PSMD14: variants seen among roughly 807,000 people sequenced by gnomAD.
PSMD14 encodes the protein ubiquitin C-terminal hydrolase PSMD14.
In PSMD14, 7 loss-of-function variants were observed where a neutral mutation model predicts 41.2. That is an observed-to-expected ratio of 0.17 (90% CI 0.10 to 0.32). The LOEUF is 0.32. Among genes scored for constraint, PSMD14 ranks in the 10% least tolerant of loss-of-function variants. The probability of loss-of-function intolerance (pLI) is 1.00; values close to 1 mark genes in which losing one functional copy is unlikely to be tolerated. For missense variants in PSMD14, 139 were observed against 375.6 expected, an observed-to-expected ratio of 0.37 and a Z score of 5.21; for synonymous variants, 114 against 122.3, an observed-to-expected ratio of 0.93 and a Z score of 0.45.
intron 10 of PSMD14, chr2:161,408,617 TTC>T (rs1348180919): frequency 4.3e-6 from 2 of 464,304 alleles, no homozygotes; most frequent in African/African-American, 4.0e-5. Flanking sequence ...TTTCAATACT[TTC>T]TGTGTATTTC....
intron 3 of PSMD14, among the ~76,000 whole-genome samples, chr2:161,332,097 G>C (rs1380866215): frequency 1.4e-4 from 22 of 152,182 alleles, no homozygotes; most frequent in Admixed American, 1.4e-3. Context: ...TCGAAAGTAA[G>C]ATGCTTGCTT....
intron 7 of PSMD14, among the ~76,000 whole-genome samples, chr2:161,374,958 A>G (rs1284717516): frequency 3.3e-5 from 5 of 152,038 alleles, no homozygotes; most frequent in Admixed American, 6.6e-5. Flanking sequence ...ACTCCTAACA[A>G]TCATTGTGTC....
chr2:161,396,429 C>T (rs189733750), intron 10 of PSMD14, among the ~76,000 whole-genome samples: 17 of 151,996 alleles, frequency 1.1e-4, no homozygotes, highest in African/African-American at 3.9e-4. Flanking sequence ...GATATACATA[C>T]AATGGAATAC....
chr2:161,325,257 T>C (rs1284993494), intron 3 of PSMD14, among the ~76,000 whole-genome samples: 1 of 152,156 alleles, frequency 6.6e-6, no homozygotes, highest in African/African-American at 2.4e-5. Context: ...CCAGAAGGCT[T>C]CCTGAATGTG....
chr2:161,391,485 AT>A (rs1287308180), intron 9 of PSMD14, among the ~76,000 whole-genome samples: 2 of 152,168 alleles, frequency 1.3e-5, no homozygotes, highest in African/African-American at 2.4e-5. Context: ...TGATTAACTT[AT>A]CTTCTTCAAT....
chr2:161,357,050 T>G (rs1267591734), intron 3 of PSMD14, among the ~76,000 whole-genome samples: 1 of 145,574 alleles, frequency 6.9e-6, no homozygotes, highest in Non-Finnish European at 1.5e-5. Context: ...AGGCATTAGT[T>G]TTTATGCTGT....
At chr2:161,356,818 C>T (rs1683206048) in intron 3 of PSMD14, among the ~76,000 whole-genome samples, 2 of 140,164 alleles carry the variant, frequency 1.4e-5, no homozygotes. Context: ...CCCGAGATAA[C>T]TTTATATTTT....
chr2:161,347,264 T>G (rs529464569), intron 3 of PSMD14, among the ~76,000 whole-genome samples: 1 of 152,340 alleles, frequency 6.6e-6, no homozygotes, highest in Non-Finnish European at 1.5e-5. Context: ...AGATTTAGTT[T>G]CTGTTACTCT....
intron 1 of PSMD14, among the ~76,000 whole-genome samples, chr2:161,311,794 T>C (rs1689090625): frequency 6.6e-6 from 1 of 151,996 alleles, no homozygotes; most frequent in African/African-American, 2.4e-5. Flanking sequence ...TTTATATTTT[T>C]AGTAGAGACC....
intron 3 of PSMD14, among the ~76,000 whole-genome samples, chr2:161,359,582 C>G (rs1683260933): frequency 6.6e-6 from 1 of 152,010 alleles, no homozygotes; most frequent in Admixed American, 6.5e-5. Context: ...ATTTTGCTCT[C>G]TATAGCCCAC....
At chr2:161,310,953 A>G (rs1041964117) in intron 1 of PSMD14, among the ~76,000 whole-genome samples, 1 of 152,136 alleles carries the variant, frequency 6.6e-6, no homozygotes, top group African/African-American at 2.4e-5. Flanking sequence ...TCAGCCCTCC[A>G]TATCTTTGGG....
At chr2:161,385,911 C>T (rs553687954) in intron 8 of PSMD14, among the ~76,000 whole-genome samples, 62 of 151,764 alleles carry the variant, frequency 4.1e-4, no homozygotes, top group African/African-American at 1.4e-3. Flanking sequence ...ATTATCATTG[C>T]TTGATTAGTA....
At chr2:161,320,295 C>T (rs1392669574) in intron 3 of PSMD14, among the ~76,000 whole-genome samples, 1 of 152,116 alleles carries the variant, frequency 6.6e-6, no homozygotes, top group Non-Finnish European at 1.5e-5. Context: ...ATAAATTACC[C>T]ATCTTGGAAA....
chr2:161,383,550 T>C (rs893228817), intron 7 of PSMD14: 1 of 151,630 alleles, frequency 6.6e-6, no homozygotes, highest in Non-Finnish European at 1.5e-5. Flanking sequence ...AGAAATAATA[T>C]AGACTTCTAC....
chr2:161,339,465 G>T (rs1280954130), intron 3 of PSMD14, among the ~76,000 whole-genome samples: 6 of 146,762 alleles, frequency 4.1e-5, no homozygotes, highest in Non-Finnish European at 1.5e-5. Context: ...GTGTTGCCTG[G>T]TTTTTACTGG....
chr2:161,389,161 A>G (rs1055253077), intron 8 of PSMD14, among the ~76,000 whole-genome samples: 4 of 152,172 alleles, frequency 2.6e-5, no homozygotes, highest in African/African-American at 4.8e-5. Context: ...AGTCTCAAAA[A>G]TATAGGGCCT....
chr2:161,319,149 G>GAA, intron 3 of PSMD14: 3 of 285,422 alleles, frequency 1.1e-5, no homozygotes, highest in East Asian at 6.2e-5. Context: ...TGGCTTTTAG[G>GAA]AAAAAAAAAC....
intron 3 of PSMD14, among the ~76,000 whole-genome samples, chr2:161,335,063 T>G (rs1682849512): frequency 1.3e-5 from 2 of 152,204 alleles, no homozygotes; most frequent in Admixed American, 1.3e-4. Flanking sequence ...TTCTGAGCCT[T>G]TTATGCTTCT....
At chr2:161,384,657 A>C (rs1160532803) in intron 7 of PSMD14, 1 of 151,778 alleles carries the variant, frequency 6.6e-6, no homozygotes, top group African/African-American at 2.4e-5. Flanking sequence ...CTTTACATAA[A>C]ACTTTACAGT....
Sources: allele counts gnomAD v4.1 joint callset (sites outside exome capture counted in the v4.1 genomes callset), GRCh38; gene constraint gnomAD v4.1.1; transcripts MANE v1.5; gene names NCBI Gene and HGNC (gene_info 2026-07-23, HGNC 2026-07-21).